ZEB1: variants seen among roughly 807,000 people sequenced by gnomAD.
ZEB1 encodes zinc finger E-box binding homeobox 1.
In ZEB1, 21 loss-of-function variants were observed where a neutral mutation model predicts 84.9. That is an observed-to-expected ratio of 0.25 (90% CI 0.18 to 0.36). The LOEUF (loss-of-function observed/expected upper bound fraction) is 0.36, where lower values mean the gene tolerates loss of function less well. ZEB1 is among the 10% of genes least tolerant of loss of function. The probability of loss-of-function intolerance (pLI) is 1.00; values close to 1 mark genes in which losing one functional copy is unlikely to be tolerated. For missense variants in ZEB1, 1,104 were observed against 1,330.2 expected (o/e 0.83, Z 2.65); for synonymous variants, 420 against 471.1 (o/e 0.89, Z 1.41).
chr10:31,475,211 A>G (rs2063937340), intron 2 of ZEB1, among the ~76,000 whole-genome samples: 1 of 146,808 alleles, frequency 6.8e-6, no homozygotes, highest in African/African-American at 2.7e-5. Context: ...AAAGTATAAT[A>G]ATAAAAGAAA....
intron 1 of ZEB1, among the ~76,000 whole-genome samples, chr10:31,419,675 G>A (rs1007477483): frequency 2.6e-5 from 4 of 152,178 alleles, no homozygotes; most frequent in Non-Finnish European, 4.4e-5. Flanking sequence ...GAATCATGAA[G>A]TGTTGCTGAT....
intron 1 of ZEB1, among the ~76,000 whole-genome samples, chr10:31,364,358 C>T (rs2044029533): frequency 6.6e-6 from 1 of 152,156 alleles, no homozygotes; most frequent in African/African-American, 2.4e-5. Flanking sequence ...GTTGGGGGTG[C>T]GAGGCTGATC....
At chr10:31,426,986 C>CT (rs1564816930) in intron 1 of ZEB1, among the ~76,000 whole-genome samples, 1 of 151,936 alleles carries the variant, frequency 6.6e-6, no homozygotes, top group Non-Finnish European at 1.5e-5. Flanking sequence ...CTTAAATCAT[C>CT]TTTTTTATCT....
intron 2 of ZEB1, among the ~76,000 whole-genome samples, chr10:31,488,005 T>C (rs1002508576): frequency 5.3e-5 from 8 of 151,438 alleles, no homozygotes; most frequent in African/African-American, 1.4e-4. Flanking sequence ...TAATATTTTG[T>C]TGAAGATTTT....
At chr10:31,497,924 A>AATAGATAGATTAGATAG (rs2067483501) in intron 3 of ZEB1, among the ~76,000 whole-genome samples, 1 of 145,382 alleles carries the variant, frequency 6.9e-6, no homozygotes, top group Non-Finnish European at 1.5e-5. Context: ...AGGATGGAAA[A>AATAGATAGATTAGATAG]ATAGATAGAT....
chr10:31,330,169 G>A (rs1247015930), intron 1 of ZEB1, among the ~76,000 whole-genome samples: 1 of 152,078 alleles, frequency 6.6e-6, no homozygotes, highest in African/African-American at 2.4e-5. Context: ...TACCATTTAG[G>A]TCTGTAATCC....
At chr10:31,362,724 G>T in intron 1 of ZEB1, 2 of 529,864 alleles carry the variant, frequency 3.8e-6, no homozygotes, top group Non-Finnish European at 6.9e-6. Context: ...CCCAGATGGT[G>T]CAGGCAGAGA....
At chr10:31,384,730 C>T (rs1275680812) in intron 1 of ZEB1, among the ~76,000 whole-genome samples, 1 of 152,162 alleles carries the variant, frequency 6.6e-6, no homozygotes, top group African/African-American at 2.4e-5. Context: ...TCATCTTCTG[C>T]AGGTGGAAAT....
chr10:31,443,322 T>C (rs1308656013), intron 1 of ZEB1, among the ~76,000 whole-genome samples: 1 of 150,294 alleles, frequency 6.7e-6, no homozygotes, highest in East Asian at 1.9e-4. Context: ...TTTGACTTGA[T>C]TTTTTTCTGT....
At chr10:31,343,466 CATTTATTT>C (rs941965567) in intron 1 of ZEB1, among the ~76,000 whole-genome samples, 96 of 152,114 alleles carry the variant, frequency 6.3e-4, no homozygotes, top group African/African-American at 2.3e-3. Flanking sequence ...TTATCATACA[CATTTATTT>C]ATTTATTTTT....
rs201181018 is a variant in ZEB1 at position 31,363,751 on chromosome 10, G to A, written c.58+44459G>A. On this transcript the variant is annotated intron_variant, in intron 1 of 8. Coordinates refer to ENST00000424869, the MANE Select transcript of ZEB1 (RefSeq NM_001174096.2). Reference sequence around the variant, plus strand: ...AGACAGCACGGGTTTCTTCCTTGAGGGGGGGCTCCAGACCACAGGACGCAG... The same window carrying A: ...AGACAGCACGGGTTTCTTCCTTGAGAGGGGGCTCCAGACCACAGGACGCAG... The A allele has an allele frequency of 2.4e-6, 3 of 1,226,688 alleles. No homozygotes were observed. In the African/African-American group the frequency reaches 4.5e-5, roughly 18 times the overall value. The allele number at this position is 1,226,688 out of a possible 1,614,324, so 76.0% of individuals were successfully genotyped here.
chr10:31,342,566 A>AG (rs1477959236), intron 1 of ZEB1, among the ~76,000 whole-genome samples: 2 of 152,152 alleles, frequency 1.3e-5, no homozygotes, highest in Non-Finnish European at 2.9e-5. Flanking sequence ...TAGATGTTGA[A>AG]GGCTCCTAAG....
chr10:31,457,626 CTT>C (rs1407937974), intron 1 of ZEB1, among the ~76,000 whole-genome samples: 1 of 151,994 alleles, frequency 6.6e-6, no homozygotes, highest in Non-Finnish European at 1.5e-5. Context: ...CATAATCTAT[CTT>C]ACAATGGCAG....
rs1346896261 is a variant in ZEB1, at chr10:31,528,317, G to A, written c.*1053G>A. On this transcript the variant is annotated 3_prime_UTR_variant, in exon 9 of 9. Coordinates refer to ENST00000424869, the MANE Select transcript of ZEB1 (RefSeq NM_001174096.2). ...GGGACATTTCATCCTTCAATTCCTC[G>A]GTATTGATTTTATGTTGATTGATTT... is the stretch of plus-strand genomic sequence containing the variant. 1.3e-5 allele frequency: 2 copies of A among 152,086 alleles called. No individual in the cohort carries two copies. Among genetic ancestry groups the A allele is most frequent in the Non-Finnish European group, 2.9e-5 (2 of 68,004 alleles). The allele number at this position is 152,086 out of a possible 1,614,324, so 9.4% of individuals were successfully genotyped here.
At chr10:31,383,727 T>G (rs2048112006) in intron 1 of ZEB1, among the ~76,000 whole-genome samples, 1 of 152,172 alleles carries the variant, frequency 6.6e-6, no homozygotes, top group African/African-American at 2.4e-5. Context: ...TAGTCATATA[T>G]GGCTAATGTT....
intron 2 of ZEB1, among the ~76,000 whole-genome samples, chr10:31,485,231 A>G (rs1017333571): frequency 2.0e-5 from 3 of 151,946 alleles, no homozygotes; most frequent in Non-Finnish European, 2.9e-5. Context: ...TTGTATATTT[A>G]TAGAATCCCT....
At chr10:31,400,967 A>G (rs1195237204) in intron 1 of ZEB1, among the ~76,000 whole-genome samples, 1 of 152,162 alleles carries the variant, frequency 6.6e-6, no homozygotes, top group Admixed American at 6.5e-5. Context: ...TTTTTAAATG[A>G]CTAATAATAG....
At chr10:31,396,996 CTTT>C (rs2050849951) in intron 1 of ZEB1, among the ~76,000 whole-genome samples, 1 of 149,954 alleles carries the variant, frequency 6.7e-6, no homozygotes, top group Non-Finnish European at 1.5e-5. Context: ...TAACTTAAAA[CTTT>C]TTTATTTTTT....
At chr10:31,395,880 C>G (rs1349173666) in intron 1 of ZEB1, among the ~76,000 whole-genome samples, 5 of 152,150 alleles carry the variant, frequency 3.3e-5, no homozygotes, top group African/African-American at 1.2e-4. Context: ...TGATTCAGTG[C>G]TATATTTAGA....
Sources: gnomAD v4.1 joint callset for allele counts (sites outside exome capture counted in the v4.1 genomes callset) on GRCh38, gnomAD v4.1.1 for gene constraint, MANE v1.5 for transcripts, NCBI Gene and HGNC (gene_info 2026-07-23, HGNC 2026-07-21) for gene names.